Variants in CEP128 observed in about 807,000 individuals in gnomAD.
The protein encoded by CEP128 is centrosomal protein 128kDa.
Under a neutral mutation model 156.7 loss-of-function variants are expected in CEP128, and 132 were observed. That is an observed-to-expected ratio of 0.84 (90% CI 0.73 to 0.97). The LOEUF is 0.97. Among genes scored for constraint, CEP128 ranks in the 50% least tolerant of loss-of-function variants. The probability of loss-of-function intolerance (pLI) is 0.00; values close to 1 mark genes in which losing one functional copy is unlikely to be tolerated. For synonymous variants in CEP128, 469 were observed against 448.9 expected, an observed-to-expected ratio of 1.04 and a Z score of -0.57; for missense variants, 1,252 against 1,281.9, an observed-to-expected ratio of 0.98 and a Z score of 0.36.
intron 20 of CEP128, among the ~76,000 whole-genome samples, chr14:80,570,902 T>C (rs2140412541): frequency 6.6e-6 from 1 of 152,252 alleles, no homozygotes; most frequent in Non-Finnish European, 1.5e-5. Context: ...AAACATACTA[T>C]ATCAATAAAA....
At chr14:80,685,735 T>C (rs192856347) in intron 19 of CEP128, among the ~76,000 whole-genome samples, 10 of 152,034 alleles carry the variant, frequency 6.6e-5, no homozygotes, top group Non-Finnish European at 1.5e-4. Context: ...GTAACCAAAA[T>C]AGCATGACAC....
intron 19 of CEP128, among the ~76,000 whole-genome samples, chr14:80,582,336 T>A (rs961172089): frequency 2.0e-5 from 3 of 152,140 alleles, no homozygotes; most frequent in Non-Finnish European, 4.4e-5. Context: ...GAGATGCTAT[T>A]TGAATAACAT....
At chr14:80,544,550 G>A (rs926160551) in intron 21 of CEP128, among the ~76,000 whole-genome samples, 3 of 152,158 alleles carry the variant, frequency 2.0e-5, no homozygotes, top group African/African-American at 4.8e-5. Flanking sequence ...ATGACCTCAT[G>A]ACCTAATAAT....
At chr14:80,548,225 C>T (rs1420302021) in intron 21 of CEP128, among the ~76,000 whole-genome samples, 3 of 152,058 alleles carry the variant, frequency 2.0e-5, no homozygotes, top group African/African-American at 2.4e-5. Flanking sequence ...GGAGACATGA[C>T]CAGAATCTAG....
At chr14:80,717,701 A>G (rs972667316) in intron 19 of CEP128, among the ~76,000 whole-genome samples, 1 of 152,210 alleles carries the variant, frequency 6.6e-6, no homozygotes, top group Non-Finnish European at 1.5e-5. Flanking sequence ...CTACCAAAAT[A>G]TTTACTTGGT....
chr14:80,845,609 G>A (rs1046133781), intron 9 of CEP128, among the ~76,000 whole-genome samples: 3 of 152,108 alleles, frequency 2.0e-5, no homozygotes, highest in African/African-American at 4.8e-5. Flanking sequence ...TTCTCAAGTT[G>A]TATATCTTTG....
intron 19 of CEP128, among the ~76,000 whole-genome samples, chr14:80,686,525 G>T (rs1403398110): frequency 1.3e-5 from 2 of 152,078 alleles, no homozygotes; most frequent in Non-Finnish European, 2.9e-5. Context: ...CAACAAGTCT[G>T]TAAAATAACC....
At chr14:80,537,074 T>G (rs1310012832) in intron 21 of CEP128, among the ~76,000 whole-genome samples, 1 of 152,034 alleles carries the variant, frequency 6.6e-6, no homozygotes, top group Non-Finnish European at 1.5e-5. Flanking sequence ...TAGATCTCCT[T>G]TAAAAAGCAA....
intron 19 of CEP128, among the ~76,000 whole-genome samples, chr14:80,620,302 A>C (rs1201009836): frequency 2.0e-5 from 3 of 152,116 alleles, no homozygotes; most frequent in Admixed American, 6.6e-5. Flanking sequence ...GTGGTCGACT[A>C]AGGAGACAAT....
chr14:80,858,709 A>C (rs970922549), intron 9 of CEP128, among the ~76,000 whole-genome samples: 1 of 151,560 alleles, frequency 6.6e-6, no homozygotes, highest in Non-Finnish European at 1.5e-5. Context: ...AGAAAAAAAC[A>C]AACAACCCCA....
Position 80,838,258 on chromosome 14 carries a change from T to C in CEP128, c.870A>G (p.Leu290=). Residue 290 remains leucine (L), a synonymous_variant, in exon 11 of 25, where the codon CTA becomes CTG. Coordinates refer to ENST00000555265, the MANE Select transcript of CEP128 (RefSeq NM_152446.5). ...EKNQLEQELE[L]SRRLLNQSEG... ...CTGATTGATTCAATAACCTTCGAGA[T>C]AGCTCCAATTCCTGTTCAAGCTAGA... is the stretch of plus-strand genomic sequence containing the variant. The C allele has an allele frequency of 1.2e-6, 2 of 1,613,008 alleles. No individual in the cohort carries two copies. Among genetic ancestry groups the C allele is most frequent in the Non-Finnish European group, 1.7e-6 (2 of 1,179,190 alleles).
intron 19 of CEP128, among the ~76,000 whole-genome samples, chr14:80,633,868 C>G (rs892993306): frequency 6.6e-6 from 1 of 152,030 alleles, no homozygotes; most frequent in African/African-American, 2.4e-5. Context: ...AATGTGAATC[C>G]CTATGTCTAA....
chr14:80,957,690 T>C (rs1359436436), intron 2 of CEP128: 2 of 151,988 alleles, frequency 1.3e-5, no homozygotes, highest in Non-Finnish European at 2.9e-5. Context: ...AAAGAAAGGG[T>C]AATGGAGAAT....
At position 80,688,015 on chromosome 14, in the gene CEP128, T is replaced by C. The variant is rs566251966; in HGVS notation, c.2806+55060A>G. On this transcript the variant is annotated intron_variant, in intron 19 of 24. Coordinates refer to ENST00000555265, the MANE Select transcript of CEP128 (RefSeq NM_152446.5). ...CTCCTTTATTCTGATAGTTGCTTCATGTTAATCTGGCTTGACTTTTAACAG... is the reference window on the plus strand; with the variant it reads ...CTCCTTTATTCTGATAGTTGCTTCACGTTAATCTGGCTTGACTTTTAACAG... 3.9e-5 allele frequency among the ~76,000 whole-genome samples: 6 copies of C among 152,306 alleles called. 1 individual carries two copies. Among genetic ancestry groups the C allele is most frequent in the African/African-American group, 1.4e-4 (6 of 41,584 alleles).
chr14:80,675,370 T>A (rs1479552789), intron 19 of CEP128, among the ~76,000 whole-genome samples: 2 of 152,104 alleles, frequency 1.3e-5, no homozygotes, highest in Non-Finnish European at 2.9e-5. Context: ...CTTTATAAGA[T>A]GTTTTTTAAG....
At chr14:80,892,222 A>G (rs1889135872) in intron 8 of CEP128, among the ~76,000 whole-genome samples, 2 of 152,058 alleles carry the variant, frequency 1.3e-5, no homozygotes, top group South Asian at 4.1e-4. Context: ...ACATACACCA[A>G]TAGAACAGAA....
chr14:80,836,316 GT>G lies in CEP128; in HGVS notation c.945del (p.Gln315HisfsTer54). On this transcript the variant is annotated frameshift_variant, in exon 12 of 25. Coordinates refer to ENST00000555265, the MANE Select transcript of CEP128 (RefSeq NM_152446.5). LOFTEE classifies it high-confidence loss of function. ...TTTCGATCACCTTCTGCTTTCGTAA[GT>G]TGTGTACGCAGTTCTTCTACCTAAC... is the stretch of plus-strand genomic sequence containing the variant. Reference protein sequence around the residue: ...LLHQVEELRTQLTKAEGDRKG... With the variant: ...LLHQVEELRTXLTKAEGDRKG... 6.2e-7 allele frequency: 1 copy of G among 1,614,036 alleles called. No individual in the cohort carries two copies. The highest frequency in any genetic ancestry group is 8.5e-7 in the Non-Finnish European group (1 of 1,179,970).
rs1884572647 is a variant in CEP128, at chr14:80,916,518, G to A, written c.30C>T (p.His10=). 1 of 1,614,004 alleles carries A rather than the reference G, an allele frequency of 6.2e-7. No homozygotes were observed. The highest frequency in any genetic ancestry group is 1.7e-4 in the Middle Eastern group (1 of 6,060). The change falls in exon 3 of 25, where the codon CAC becomes CAT. Residue 10 remains histidine, a synonymous_variant. Transcript: ENST00000555265. Reference sequence around the variant, plus strand: ...GACTCAATCGGTCACGACAGCGGAAGTGATCTGATTCGCTGGATGATTCTG... The same window carrying A: ...GACTCAATCGGTCACGACAGCGGAAATGATCTGATTCGCTGGATGATTCTG... MAESSSESD[H]FRCRDRLSPW...
At chr14:80,760,870 T>C (rs1055876032) in intron 17 of CEP128, among the ~76,000 whole-genome samples, 18 of 152,062 alleles carry the variant, frequency 1.2e-4, no homozygotes, top group Admixed American at 5.9e-4. Context: ...GCGGATAACA[T>C]AGTGGTTATT....
Sources: allele counts gnomAD v4.1 joint callset (sites outside exome capture counted in the v4.1 genomes callset), GRCh38; gene constraint gnomAD v4.1.1; transcripts MANE v1.5; gene names NCBI Gene and HGNC (gene_info 2026-07-23, HGNC 2026-07-21).